Variants in PRR5L observed in about 807,000 individuals in gnomAD.
PRR5L encodes the protein proline rich 5 like.
A neutral mutation model predicts 36.4 loss-of-function variants in PRR5L; 21 were observed. The ratio of observed to expected loss-of-function variants is 0.58; its 90% CI spans 0.41 to 0.83. The LOEUF (loss-of-function observed/expected upper bound fraction) is 0.83. Ranked by LOEUF, PRR5L falls within the 40% of genes least tolerant of loss-of-function variation. PRR5L has a pLI of 0.00. For missense variants in PRR5L, 381 were observed against 473.3 expected (o/e 0.80, Z 1.81); for synonymous variants, 188 against 197.0 (o/e 0.95, Z 0.38).
chr11:36,371,024 T>G (rs184891793), intron 1 of PRR5L, among the ~76,000 whole-genome samples: 3 of 152,222 alleles, frequency 2.0e-5, no homozygotes, highest in Non-Finnish European at 4.4e-5. Context: ...CAGTCAGATT[T>G]AATTCACTAC....
chr11:36,379,606 T>G (rs889627779), intron 1 of PRR5L: 2 of 152,210 alleles, frequency 1.3e-5, no homozygotes, highest in African/African-American at 4.8e-5. Context: ...AAATATTTTG[T>G]GGATTTTGTA....
intron 1 of PRR5L, among the ~76,000 whole-genome samples, chr11:36,363,754 AGAAACAG>A (rs1411474157): frequency 2.0e-5 from 3 of 152,240 alleles, no homozygotes; most frequent in African/African-American, 7.2e-5. Flanking sequence ...TTACTCTTCC[AGAAACAG>A]CTGGGCCAGA....
At position 36,361,500 on chromosome 11, in the gene PRR5L, A is replaced by G. The variant is rs936069836; in HGVS notation, c.-125-39497A>G. On this transcript the variant is annotated intron_variant, in intron 1 of 8. Transcript: ENST00000530639. ...ATCAACAGATATAACTTATAAAAAC[A>G]AAAGACTTTAAGGCTCATAATAATT... Among the ~76,000 whole-genome samples the G allele has an allele frequency of 1.1e-4, 16 of 152,372 alleles. No individual in the cohort carries two copies. The East Asian group carries it at 1.7e-3, about 17-fold the overall frequency.
At chr11:36,456,643 CACTA>C (rs1273725061) in intron 8 of PRR5L, among the ~76,000 whole-genome samples, 1 of 152,256 alleles carries the variant, frequency 6.6e-6, no homozygotes. Context: ...CTGGTTTCAT[CACTA>C]ACTATGACTG....
chr11:36,456,216 G>A (rs747280502), intron 8 of PRR5L, among the ~76,000 whole-genome samples: 12 of 152,184 alleles, frequency 7.9e-5, no homozygotes, highest in Non-Finnish European at 1.5e-4. Flanking sequence ...TGTTATGGAC[G>A]CCCAGCTAAA....
chr11:36,458,162 G>C (rs1354586674), intron 8 of PRR5L, among the ~76,000 whole-genome samples: 1 of 152,216 alleles, frequency 6.6e-6, no homozygotes, highest in East Asian at 1.9e-4. Context: ...GCCAGTGTCA[G>C]CTTCTTGTGT....
chr11:36,455,913 C>T (rs548338106), intron 8 of PRR5L, among the ~76,000 whole-genome samples: 1 of 152,302 alleles, frequency 6.6e-6, no homozygotes, highest in South Asian at 2.1e-4. Flanking sequence ...CTTGCGGTCC[C>T]TGTGGTCCTG....
intron 1 of PRR5L, among the ~76,000 whole-genome samples, chr11:36,315,995 T>C (rs1392042095): frequency 6.6e-6 from 1 of 152,210 alleles, no homozygotes; most frequent in Non-Finnish European, 1.5e-5. Context: ...AGATGGAGCC[T>C]GGGTGACCAG....
chr11:36,330,189 G>T (rs534432175), intron 1 of PRR5L, among the ~76,000 whole-genome samples: 1 of 152,084 alleles, frequency 6.6e-6, no homozygotes, highest in Non-Finnish European at 1.5e-5. Flanking sequence ...TTTCATTTTT[G>T]TTTACAGACA....
At chr11:36,314,674 G>T (rs902156950) in intron 1 of PRR5L, among the ~76,000 whole-genome samples, 3 of 152,124 alleles carry the variant, frequency 2.0e-5, no homozygotes, top group African/African-American at 7.2e-5. Context: ...TCCCTGCTCT[G>T]ACCCTCAATA....
chr11:36,408,322 T>A (rs1857952515), intron 3 of PRR5L, among the ~76,000 whole-genome samples: 1 of 151,678 alleles, frequency 6.6e-6, no homozygotes, highest in Non-Finnish European at 1.5e-5. Flanking sequence ...CACCTCAATA[T>A]AGCGGCCAAT....
intron 3 of PRR5L, among the ~76,000 whole-genome samples, chr11:36,411,793 C>T (rs1390444264): frequency 1.3e-5 from 2 of 152,208 alleles, no homozygotes; most frequent in African/African-American, 4.8e-5. Context: ...ATCAGCTAGT[C>T]TGGCCCTACC....
chr11:36,443,022 T>C (rs1590596751), intron 6 of PRR5L, among the ~76,000 whole-genome samples: 1 of 152,216 alleles, frequency 6.6e-6, no homozygotes, highest in South Asian at 2.1e-4. Flanking sequence ...ACCAATTTTC[T>C]GTATTAGTTC....
rs754106759 is a variant in PRR5L, at chr11:36,462,540, T to G, written c.911T>G (p.Met304Arg). The G allele has an allele frequency of 1.1e-5, 17 of 1,609,812 alleles. No homozygotes were observed. The Admixed American group carries it at 1.2e-4, about 11-fold the overall frequency. Residue 304 changes from methionine to arginine, a missense_variant, in exon 9 of 9, where the codon ATG (methionine) becomes AGG (arginine). Physicochemically the swap from Met to Arg is moderately conservative, Grantham distance 91. Transcript: ENST00000530639. ...CACTCGGACATCCAGCTGCTGGCCA[T>G]GGCCACCATGATGCACTCGGGCCTG... is the stretch of plus-strand genomic sequence containing the variant. ...NAHSDIQLLA[M>R]ATMMHSGLGE... is the part of the protein sequence containing the mutation.
At chr11:36,382,372 A>G (rs1455963728) in intron 1 of PRR5L, among the ~76,000 whole-genome samples, 2 of 152,210 alleles carry the variant, frequency 1.3e-5, no homozygotes, top group Non-Finnish European at 1.5e-5. Context: ...CTATTTACAA[A>G]GTAATGACTT....
At chr11:36,434,896 G>A (rs1317210149) in intron 5 of PRR5L, among the ~76,000 whole-genome samples, 1 of 152,116 alleles carries the variant, frequency 6.6e-6, no homozygotes, top group East Asian at 1.9e-4. Context: ...GTTCTCGGGA[G>A]GCGTCTTACT....
At position 36,376,316 on chromosome 11, in the gene PRR5L, G is replaced by A. The variant is rs558501543; in HGVS notation, c.-125-24681G>A. On this transcript the variant is annotated intron_variant, in intron 1 of 8. Coordinates refer to ENST00000530639, the MANE Select transcript of PRR5L (RefSeq NM_001160167.2). ...AGTGGGAGGAGAAGGAGGAAGAGGG[G>A]AGGAGGGGGAGAAGGGGGAGGAGGA... is the stretch of plus-strand genomic sequence containing the variant. 80 of 1,099,278 alleles carry A rather than the reference G, an allele frequency of 7.3e-5. No individual in the cohort carries two copies. The Middle Eastern group carries it at 1.3e-3, about 18-fold the overall frequency. 68.1% of individuals were successfully genotyped at this position (1,099,278 alleles called of 1,614,324 possible).
intron 5 of PRR5L, among the ~76,000 whole-genome samples, chr11:36,434,487 C>A (rs935849974): frequency 6.6e-6 from 1 of 152,154 alleles, no homozygotes; most frequent in African/African-American, 2.4e-5. Context: ...TTTACTGATG[C>A]AGAAAAGACA....
At chr11:36,428,016 C>T (rs906982560) in intron 4 of PRR5L, among the ~76,000 whole-genome samples, 6 of 152,228 alleles carry the variant, frequency 3.9e-5, no homozygotes, top group African/African-American at 1.4e-4. Context: ...AATTGCACTG[C>T]AGCACTGCCA....
Sources: allele counts gnomAD v4.1 joint callset (sites outside exome capture counted in the v4.1 genomes callset), GRCh38; gene constraint gnomAD v4.1.1; transcripts MANE v1.5; gene names NCBI Gene and HGNC (gene_info 2026-07-23, HGNC 2026-07-21).